Variants in RUNDC1 observed in about 807,000 individuals in gnomAD.
The protein encoded by RUNDC1 is RUN domain containing 1.
Under a neutral mutation model 49.3 loss-of-function variants are expected in RUNDC1, and 31 were observed. That is an observed-to-expected ratio of 0.63 (90% confidence interval 0.47 to 0.85). The LOEUF is 0.85. Among genes scored for constraint, RUNDC1 ranks in the 40% least tolerant of loss-of-function variants. RUNDC1 has a pLI of 0.00. For synonymous variants in RUNDC1, 347 were observed against 348.6 expected (o/e 1.00, Z 0.05); for missense variants, 715 against 806.7 (o/e 0.89, Z 1.38).
chr17:42,987,583 CA>C (rs1375050407), intron 2 of RUNDC1, among the ~76,000 whole-genome samples, 169 bp downstream of exon 2: 2 of 152,158 alleles, frequency 1.3e-5, no homozygotes, highest in Non-Finnish European at 2.9e-5. Flanking sequence ...TTTCTTTGCT[CA>C]CACATGGAAA....
intron 2 of RUNDC1, among the ~76,000 whole-genome samples, chr17:42,988,256 A>AC (rs2050195377): frequency 6.8e-6 from 1 of 147,016 alleles, no homozygotes; most frequent in Admixed American, 6.8e-5. Context: ...ACGATATCAG[A>AC]TTTTTTTTTT....
Position 42,991,079 on chromosome 17 carries a change from A to T in RUNDC1, c.1205A>T (p.His402Leu). The T allele has an allele frequency of 6.2e-7, 1 of 1,614,206 alleles. No individual in the cohort carries two copies. Among genetic ancestry groups the T allele is most frequent in the Non-Finnish European group, 8.5e-7 (1 of 1,180,028 alleles). Reference protein sequence around the residue: ...VKQLALRQQPHDHVITSANLQ... With the variant: ...VKQLALRQQPLDHVITSANLQ... ...CAGCTAGCCTTGAGGCAGCAGCCAC[A>T]TGACCATGTCATCACCTCTGCCAAC... The change falls in exon 5 of 5, where the codon CAT (histidine) becomes CTT (leucine). Residue 402 changes from histidine to leucine, a missense_variant. His to Leu is a moderately conservative substitution (Grantham distance 99). This residue lies in a region of RUNDC1 where 425 missense variants were observed against 499.7 expected (regional missense o/e 0.85). Coordinates refer to ENST00000361677, the MANE Select transcript of RUNDC1 (RefSeq NM_173079.5).
chr17:42,991,828 C>A lies in RUNDC1; in HGVS notation c.*112C>A. ...GGGGTTAAAGGCATTTTTCCCAGAC[C>A]CTGCTCAGGCAGTCGGCCAAATGAG... On this transcript the variant is annotated 3_prime_UTR_variant, in exon 5 of 5. Coordinates refer to ENST00000361677, the MANE Select transcript of RUNDC1 (RefSeq NM_173079.5). 1 of 1,183,878 alleles carries A rather than the reference C, an allele frequency of 8.4e-7. No homozygotes were observed. Among genetic ancestry groups the A allele is most frequent in the Non-Finnish European group, 1.2e-6 (1 of 847,012 alleles). 73.3% of individuals were successfully genotyped at this position (1,183,878 alleles called of 1,614,324 possible).
chr17:42,986,356 A>C (rs1567730570), intron 1 of RUNDC1, among the ~76,000 whole-genome samples: 1 of 152,046 alleles, frequency 6.6e-6, no homozygotes, highest in Non-Finnish European at 1.5e-5. Flanking sequence ...GGCTCAAGTG[A>C]TTCTTTTGCC....
chr17:42,984,902 T>TTTC (rs2050150937), intron 1 of RUNDC1, among the ~76,000 whole-genome samples: 1 of 142,544 alleles, frequency 7.0e-6, no homozygotes. Flanking sequence ...TTTTTTTTTT[T>TTTC]TTTTTTTTTT....
rs946227944 is a variant in RUNDC1 at position 42,992,876 on chromosome 17, G to A, written c.*1160G>A. The A allele has an allele frequency of 1.3e-5, 2 of 152,164 alleles. No individual in the cohort carries two copies. The highest frequency in any genetic ancestry group is 4.8e-5 in the African/African-American group (2 of 41,428). 9.4% of individuals were successfully genotyped at this position (152,164 alleles called of 1,614,324 possible). A position where few individuals can be genotyped will look rare whatever the true frequency, so the allele number is the denominator to read the frequency against. On this transcript the variant is annotated 3_prime_UTR_variant, in exon 5 of 5. Transcript: ENST00000361677. ...CCTGACAAGGTAGTCCTCTTTTCAT[G>A]GCACAGACAATGGGCTTTCTGTTTA...
rs578152182 is a variant in RUNDC1, at chr17:42,992,157, G to T, written c.*441G>T. ...GTGAACCCAGGAGGCGGAGCTTGCA[G>T]TGAGCCAAGATCGCGCCACTGCACT... On this transcript the variant is annotated 3_prime_UTR_variant, in exon 5 of 5. Transcript: ENST00000361677. 1 of 171,150 alleles carries T rather than the reference G, an allele frequency of 5.8e-6. No individual in the cohort carries two copies. The highest frequency in any genetic ancestry group is 2.4e-5 in the African/African-American group (1 of 41,578). The allele number at this position is 171,150 out of a possible 1,614,324, so 10.6% of individuals were successfully genotyped here.
chr17:42,991,322 A>AGAACGGCCGTGCTTATGTG lies in RUNDC1; in HGVS notation c.1452_1470dup (p.Ser491ArgfsTer44), dbSNP rs1345076991. 6.2e-7 allele frequency: 1 copy of AGAACGGCCGTGCTTATGTG among 1,614,178 alleles called. No homozygotes were observed. ...CTCTTTGTAAAGTACTACCATGCTA[A>AGAACGGCCGTGCTTATGTG]GAACGGCCGTGCTTATGTGGAATCC... On this transcript the variant is annotated frameshift_variant, in exon 5 of 5. Transcript: ENST00000361677. LOFTEE classifies it high-confidence loss of function.
chr17:42,989,649 G>T (rs1264008079), intron 3 of RUNDC1, 110 bp downstream of exon 3: 6 of 1,000,410 alleles, frequency 6.0e-6, no homozygotes, highest in South Asian at 6.0e-5. Context: ...TTTTTTGGGC[G>T]GTGGGGACAG....
chr17:42,981,051 C>A lies in RUNDC1; in HGVS notation c.475C>A (p.Pro159Thr). ...GGGCGATGGGCTGCCAGGGGACCGG[C>A]CATGGTTGCGGGGCGAGGACCAGGT... ...DEGDGLPGDR[P>T]WLRGEDQSEQ... The change falls in exon 1 of 5, where the codon CCA (proline) becomes ACA (threonine). Residue 159 changes from proline to threonine, a missense_variant. Physicochemically the swap from Pro to Thr is conservative, Grantham distance 38. Transcript: ENST00000361677. The A allele has an allele frequency of 6.4e-7, 1 of 1,561,890 alleles. No individual in the cohort carries two copies. The highest frequency in any genetic ancestry group is 2.4e-5 in the East Asian group (1 of 41,616).
At position 42,994,317 on chromosome 17, in the gene RUNDC1, T is replaced by G. The variant is rs879714585; in HGVS notation, c.*2601T>G. On this transcript the variant is annotated 3_prime_UTR_variant, in exon 5 of 5. Coordinates refer to ENST00000361677, the MANE Select transcript of RUNDC1 (RefSeq NM_173079.5). ...TGTGCTAGCATTACAGGAAGCATTT[T>G]CATTTGTCTCATTCTAATTAAATTC... is the stretch of plus-strand genomic sequence containing the variant. Among the ~76,000 whole-genome samples the G allele has an allele frequency of 3.3e-5, 5 of 152,250 alleles. No homozygotes were observed. Among genetic ancestry groups the G allele is most frequent in the Non-Finnish European group, 5.9e-5 (4 of 68,042 alleles).
At chr17:42,987,483 C>A in intron 2 of RUNDC1, 69 bp downstream of exon 2, 1 of 1,442,896 alleles carries the variant, frequency 6.9e-7, no homozygotes, top group Non-Finnish European at 9.7e-7. Context: ...ATTCACAGGG[C>A]ATCCTCTCTC....
chr17:42,984,956 T>C (rs2050151935), intron 1 of RUNDC1, among the ~76,000 whole-genome samples: 1 of 141,936 alleles, frequency 7.0e-6, no homozygotes, highest in South Asian at 2.3e-4. Flanking sequence ...AGTGCAATGC[T>C]GCGGTCTTGG....
chr17:42,987,470 A>G (rs1051038908), intron 2 of RUNDC1, 56 bp downstream of exon 2: 10 of 1,530,194 alleles, frequency 6.5e-6, no homozygotes, highest in East Asian at 2.3e-5. Context: ...TGTCCCTTCC[A>G]GCATTCACAG....
Position 42,994,289 on chromosome 17 carries a change from C to T in RUNDC1, c.*2573C>T, listed in dbSNP as rs1004226736. Among the ~76,000 whole-genome samples the T allele has an allele frequency of 6.6e-6, 1 of 152,224 alleles. No homozygotes were observed. Among genetic ancestry groups the T allele is most frequent in the East Asian group, 1.9e-4 (1 of 5,204 alleles). ...CACAAAAACAAAACTTGTATTAAGG[C>T]TTTGTGCTAGCATTACAGGAAGCAT... On this transcript the variant is annotated 3_prime_UTR_variant, in exon 5 of 5. Transcript: ENST00000361677.
At chr17:42,990,241 A>G in intron 3 of RUNDC1, 76 bp from the exon 4 acceptor site, 1 of 1,561,982 alleles carries the variant, frequency 6.4e-7, no homozygotes, top group South Asian at 1.2e-5. Flanking sequence ...AATAGGCACC[A>G]TTAAGTATTA....
chr17:42,986,096 C>T (rs2050167720), intron 1 of RUNDC1, among the ~76,000 whole-genome samples: 1 of 152,152 alleles, frequency 6.6e-6, no homozygotes, highest in East Asian at 1.9e-4. Flanking sequence ...ACCTCCTAGA[C>T]TCAAGCCATC....
chr17:42,984,334 G>A (rs1471806716), intron 1 of RUNDC1, among the ~76,000 whole-genome samples: 6 of 149,394 alleles, frequency 4.0e-5, no homozygotes, highest in African/African-American at 1.5e-4. Flanking sequence ...AGGCTGGAGT[G>A]CAGTAGCATG....
Position 42,989,913 on chromosome 17 carries a change from G to A in RUNDC1, c.856+374G>A, listed in dbSNP as rs139247087. ...GCCTCCCAAAGTACCAGGACTACAG[G>A]CATGAGCCACCATGCCCAGCCAAAA... On this transcript the variant is annotated intron_variant, in intron 3 of 4. Coordinates refer to ENST00000361677, the MANE Select transcript of RUNDC1 (RefSeq NM_173079.5). Among the ~76,000 whole-genome samples the A allele has an allele frequency of 9.9e-4, 150 of 152,256 alleles. 1 individual carries two copies. Among genetic ancestry groups the A allele is most frequent in the African/African-American group, 3.4e-3 (143 of 41,564 alleles).
Sources: allele counts gnomAD v4.1 joint callset (sites outside exome capture counted in the v4.1 genomes callset), GRCh38; gene constraint gnomAD v4.1.1; regional missense constraint gnomAD v4.1.1; transcripts MANE v1.5; gene names NCBI Gene and HGNC (gene_info 2026-07-23, HGNC 2026-07-21).